The following VEPH1 variants were observed in gnomAD, a reference collection of about 807,000 sequenced individuals.
The protein encoded by VEPH1 is ventricular zone-expressed PH domain-containing protein homolog 1.
In VEPH1, 80 loss-of-function variants were observed where a neutral mutation model predicts 85.2. That is an observed-to-expected ratio of 0.94 (90% CI 0.78 to 1.13). VEPH1 has a LOEUF of 1.13. Among genes scored for constraint, VEPH1 ranks in the 50% most tolerant of loss-of-function variants. The pLI is 0.00. For missense variants in VEPH1, 955 were observed against 980.5 expected, an observed-to-expected ratio of 0.97 and a Z score of 0.35; for synonymous variants, 297 against 348.0, an observed-to-expected ratio of 0.85 and a Z score of 1.63.
At chr3:157,459,601 T>G (rs1479607781) in intron 4 of VEPH1, 17 of 1,200,028 alleles carry the variant, frequency 1.4e-5, no homozygotes, top group South Asian at 2.6e-5. Flanking sequence ...CCAAAGAAAA[T>G]AAAAGAAGAC....
chr3:157,413,901 CT>C lies in VEPH1; in HGVS notation c.885del (p.Ala296LeufsTer14). The C allele has an allele frequency of 1.2e-6, 2 of 1,613,468 alleles. No homozygotes were observed. Among genetic ancestry groups the C allele is most frequent in the Non-Finnish European group, 1.7e-6 (2 of 1,179,594 alleles). On this transcript the variant is annotated frameshift_variant, in exon 6 of 14. Transcript: ENST00000362010. LOFTEE classifies it high-confidence loss of function. The part of the protein sequence containing the change: ...YLTGQMARIY[G>X]AVGHVDEERA... Reference sequence around the variant, plus strand: ...CTTACTTCATCCACATGCCCAACAGCTCCATAAATCCTTGCCATCTGTCCAG... The same window carrying C: ...CTTACTTCATCCACATGCCCAACAGCCCATAAATCCTTGCCATCTGTCCAG...
At chr3:157,479,732 C>G (rs752188215) in intron 2 of VEPH1, among the ~76,000 whole-genome samples, 1 of 152,172 alleles carries the variant, frequency 6.6e-6, no homozygotes, top group Non-Finnish European at 1.5e-5. Flanking sequence ...TCTTCACAGG[C>G]AATCACTCAT....
chr3:157,480,011 C>A (rs1340295020), intron 2 of VEPH1, among the ~76,000 whole-genome samples: 1 of 149,460 alleles, frequency 6.7e-6, no homozygotes, highest in East Asian at 2.0e-4. Flanking sequence ...CTTTCTTTTT[C>A]TTTCTTTTCT....
At chr3:157,475,796 A>C (rs1185625527) in intron 2 of VEPH1, among the ~76,000 whole-genome samples, 1 of 152,210 alleles carries the variant, frequency 6.6e-6, no homozygotes, top group African/African-American at 2.4e-5. Flanking sequence ...GAAAGACAAA[A>C]ATGAGAGAAC....
In VEPH1 at chr3:157,286,558, AGTTGCTTTCT is replaced by A; in HGVS notation, c.2117_2126del (p.Glu706ValfsTer3). On this transcript the variant is annotated frameshift_variant and splice_region_variant, in exon 12 of 14. Coordinates refer to ENST00000362010, the MANE Select transcript of VEPH1 (RefSeq NM_001167912.2). LOFTEE classifies it high-confidence loss of function. ...TAGCAGCAGGTAAGGGTCTCTCACCAGTTGCTTTCTCAGGATTGTTGCACATGAAGCATTG... is the reference window on the plus strand; with the variant it reads ...TAGCAGCAGGTAAGGGTCTCTCACCACAGGATTGTTGCACATGAAGCATTG... The A allele has an allele frequency of 6.2e-7, 1 of 1,612,578 alleles. No individual in the cohort carries two copies. The highest frequency in any genetic ancestry group is 1.1e-5 in the South Asian group (1 of 91,048).
At chr3:157,287,247 T>C (rs1156489854) in intron 11 of VEPH1, among the ~76,000 whole-genome samples, 2 of 152,004 alleles carry the variant, frequency 1.3e-5, no homozygotes, top group Non-Finnish European at 2.9e-5. Context: ...TGGTGGTATA[T>C]GCCTGTGGTC....
chr3:157,404,235 G>A (rs1239277166), intron 6 of VEPH1, among the ~76,000 whole-genome samples: 2 of 152,054 alleles, frequency 1.3e-5, no homozygotes, highest in East Asian at 3.9e-4. Flanking sequence ...AATTACTTGA[G>A]GGGGGGTTAT....
intron 3 of VEPH1, among the ~76,000 whole-genome samples, chr3:157,464,780 T>C (rs1577720381): frequency 6.6e-6 from 1 of 152,178 alleles, no homozygotes; most frequent in Non-Finnish European, 1.5e-5. Context: ...TCTGAGGTAA[T>C]AGCAACTAAA....
At chr3:157,436,984 C>G (rs867686547) in intron 4 of VEPH1, 11 of 1,613,966 alleles carry the variant, frequency 6.8e-6, no homozygotes, top group Middle Eastern at 3.3e-4. Context: ...CAGTGTTGGC[C>G]GAGAACTCGG....
chr3:157,382,311 A>T (rs1222423550), intron 6 of VEPH1, among the ~76,000 whole-genome samples: 1 of 152,248 alleles, frequency 6.6e-6, no homozygotes, highest in Admixed American at 6.5e-5. Flanking sequence ...AGGCATGAGC[A>T]AATAAGAAAA....
At chr3:157,415,468 C>T (rs145938261) in intron 5 of VEPH1, among the ~76,000 whole-genome samples, 1 of 152,142 alleles carries the variant, frequency 6.6e-6, no homozygotes, top group African/African-American at 2.4e-5. Flanking sequence ...CCTCTCTCAG[C>T]GGGACATGGA....
At chr3:157,293,678 G>C (rs937082875) in intron 11 of VEPH1, among the ~76,000 whole-genome samples, 7 of 152,202 alleles carry the variant, frequency 4.6e-5, no homozygotes, top group African/African-American at 1.7e-4. Flanking sequence ...CATGACAAGA[G>C]TTTAAGTAAA....
intron 9 of VEPH1, among the ~76,000 whole-genome samples, chr3:157,343,201 G>C (rs1723785772): frequency 6.6e-6 from 1 of 152,078 alleles, no homozygotes; most frequent in Non-Finnish European, 1.5e-5. Flanking sequence ...AGGAGATAGA[G>C]ACACAAAAAA....
rs151084152 is a variant in VEPH1, at chr3:157,300,825, G to A, written c.2010+12796C>T. 3.9e-5 allele frequency among the ~76,000 whole-genome samples: 6 copies of A among 152,336 alleles called. No homozygotes were observed. In the East Asian group the frequency reaches 1.2e-3, roughly 29 times the overall value. On this transcript the variant is annotated intron_variant, in intron 11 of 13. Transcript: ENST00000362010. ...AAATGAGGGGCCCTCATGTATATCT[G>A]TTAAGGAAAAGAAATGAATCCAAAT...
chr3:157,420,381 A>T (rs1033555762), intron 5 of VEPH1, among the ~76,000 whole-genome samples: 1 of 152,186 alleles, frequency 6.6e-6, no homozygotes, highest in African/African-American at 2.4e-5. Context: ...ACACACATAC[A>T]CATACACATG....
intron 4 of VEPH1, among the ~76,000 whole-genome samples, chr3:157,450,293 G>A: frequency 6.6e-6 from 1 of 152,076 alleles, no homozygotes; most frequent in South Asian, 2.1e-4. Context: ...CTGAGCTCAA[G>A]CGATCCTCTC....
chr3:157,267,304 C>A (rs999993403), intron 12 of VEPH1, among the ~76,000 whole-genome samples: 1 of 150,696 alleles, frequency 6.6e-6, no homozygotes. Flanking sequence ...GCCATGTTGG[C>A]CAGGCTGGTC....
chr3:157,308,788 TC>T (rs1482043792), intron 11 of VEPH1, among the ~76,000 whole-genome samples: 1 of 152,132 alleles, frequency 6.6e-6, no homozygotes, highest in African/African-American at 2.4e-5. Context: ...TGTATTTCTC[TC>T]CATTGCTCTG....
intron 4 of VEPH1, chr3:157,442,457 T>C: frequency 5.6e-6 from 9 of 1,614,210 alleles, no homozygotes; most frequent in Non-Finnish European, 7.6e-6. Context: ...AGTCTTTTAG[T>C]GCCTGCATTT....
Sources: gnomAD v4.1 joint callset for allele counts (sites outside exome capture counted in the v4.1 genomes callset) on GRCh38, gnomAD v4.1.1 for gene constraint, MANE v1.5 for transcripts, NCBI Gene and HGNC (gene_info 2026-07-23, HGNC 2026-07-21) for gene names.